The following NEK10 variants were observed in gnomAD, a reference collection of about 807,000 sequenced individuals.
The protein encoded by NEK10 is serine/threonine-protein kinase Nek10.
A neutral mutation model predicts 159.8 loss-of-function variants in NEK10; 122 were observed. The ratio of observed to expected loss-of-function variants is 0.76; its 90% CI spans 0.66 to 0.89. NEK10 has a LOEUF of 0.89. Ranked by LOEUF, NEK10 falls within the 40% of genes least tolerant of loss-of-function variation. The pLI, the probability that NEK10 is intolerant of heterozygous loss-of-function variation, is 0.00. For synonymous variants in NEK10, 466 were observed against 457.1 expected (o/e 1.02, Z -0.25); for missense variants, 1,342 against 1,323.1 (o/e 1.01, Z -0.22).
At chr3:27,126,059 T>G (rs183101299) in intron 32 of NEK10, among the ~76,000 whole-genome samples, 51 of 152,258 alleles carry the variant, frequency 3.3e-4, no homozygotes, top group African/African-American at 1.2e-3. Context: ...GGGGCCCTAA[T>G]AAGGGTTGTG....
chr3:27,174,383 C>T, intron 28 of NEK10, 56 bp downstream of exon 28: 1 of 1,602,794 alleles, frequency 6.2e-7, no homozygotes, highest in Non-Finnish European at 8.5e-7. Flanking sequence ...AGTATGATTT[C>T]CAAACCACTG....
chr3:27,228,017 G>A (rs1575353104), intron 23 of NEK10, among the ~76,000 whole-genome samples: 8 of 152,154 alleles, frequency 5.3e-5, no homozygotes, highest in Admixed American at 4.6e-4. Context: ...TTAATGGTCA[G>A]GAAGAAACTT....
At chr3:27,152,907 G>T (rs1283962286) in intron 30 of NEK10, among the ~76,000 whole-genome samples, 1 of 152,164 alleles carries the variant, frequency 6.6e-6, no homozygotes, top group East Asian at 1.9e-4. Context: ...GCAGTTAAAA[G>T]AAACAAAGAG....
chr3:27,111,184 C>G lies in NEK10; in HGVS notation c.*88G>C. The G allele has an allele frequency of 7.7e-7, 1 of 1,292,226 alleles. No individual in the cohort carries two copies. Among genetic ancestry groups the G allele is most frequent in the Non-Finnish European group, 1.1e-6 (1 of 897,346 alleles). 80.0% of individuals were successfully genotyped at this position (1,292,226 alleles called of 1,614,324 possible). ...GTCTTTTCCACACCCTCTAGCAGCA[C>G]CCAATCCTTGGGCATCTTGCAATAG... On this transcript the variant is annotated 3_prime_UTR_variant, in exon 36 of 36. Coordinates refer to ENST00000691995, the MANE Select transcript of NEK10 (RefSeq NM_001394966.1).
At chr3:27,165,768 A>G (rs1163002599) in intron 29 of NEK10, among the ~76,000 whole-genome samples, 4 of 152,216 alleles carry the variant, frequency 2.6e-5, no homozygotes, top group African/African-American at 9.6e-5. Flanking sequence ...ACTAACAGAT[A>G]AAGTGAATAA....
intron 31 of NEK10, among the ~76,000 whole-genome samples, chr3:27,140,574 G>T (rs571818348): frequency 6.6e-6 from 1 of 152,234 alleles, no homozygotes; most frequent in African/African-American, 2.4e-5. Context: ...TAGGGATGGG[G>T]GTTAGTTAAA....
intron 5 of NEK10, among the ~76,000 whole-genome samples, chr3:27,333,775 T>C (rs373142924): frequency 1.3e-5 from 2 of 152,102 alleles, no homozygotes; most frequent in African/African-American, 4.8e-5. Context: ...GTATGCACTA[T>C]CCTGGAAGCC....
intron 35 of NEK10, among the ~76,000 whole-genome samples, chr3:27,113,922 G>A (rs1248715658): frequency 6.6e-6 from 1 of 152,124 alleles, no homozygotes; most frequent in Non-Finnish European, 1.5e-5. Context: ...CCAAGTCTCT[G>A]AGAAAATGCA....
At chr3:27,230,135 C>T (rs902576353) in intron 23 of NEK10, among the ~76,000 whole-genome samples, 1 of 151,928 alleles carries the variant, frequency 6.6e-6, no homozygotes, top group East Asian at 1.9e-4. Context: ...ATCAGGTGAC[C>T]TATAAAGAGA....
At chr3:27,166,561 G>A (rs1486964644) in intron 29 of NEK10, among the ~76,000 whole-genome samples, 3 of 152,122 alleles carry the variant, frequency 2.0e-5, no homozygotes, top group Non-Finnish European at 2.9e-5. Context: ...CAAGACTTCC[G>A]CTTTTAAGAG....
chr3:27,178,712 T>A (rs1947768687), intron 26 of NEK10, among the ~76,000 whole-genome samples: 1 of 152,210 alleles, frequency 6.6e-6, no homozygotes, highest in African/African-American at 2.4e-5. Context: ...TTTTTAAAAA[T>A]CAGCCAGTGT....
At chr3:27,211,420 A>G (rs942273030) in intron 23 of NEK10, among the ~76,000 whole-genome samples, 15 of 152,232 alleles carry the variant, frequency 9.9e-5, no homozygotes, top group Non-Finnish European at 2.2e-4. Context: ...CTGAATTCTG[A>G]GGAGTTCTGA....
intron 31 of NEK10, among the ~76,000 whole-genome samples, chr3:27,132,375 G>A (rs1942724261): frequency 6.6e-6 from 1 of 152,156 alleles, no homozygotes; most frequent in Admixed American, 6.5e-5. Context: ...GCCAAACACT[G>A]TAGCCTTGGT....
intron 6 of NEK10, among the ~76,000 whole-genome samples, chr3:27,316,432 G>A (rs1322333917): frequency 6.6e-6 from 1 of 152,144 alleles, no homozygotes; most frequent in Non-Finnish European, 1.5e-5. Context: ...GGGAGAGAAA[G>A]GAATAGGCTG....
chr3:27,328,737 C>A (rs1460237797), intron 5 of NEK10, among the ~76,000 whole-genome samples: 1 of 152,094 alleles, frequency 6.6e-6, no homozygotes, highest in Non-Finnish European at 1.5e-5. Context: ...CTAAATTCAA[C>A]GTTGAGAACA....
intron 30 of NEK10, chr3:27,143,332 T>C (rs1943967694): frequency 1.8e-6 from 1 of 555,084 alleles, no homozygotes; most frequent in African/African-American, 1.9e-5. Flanking sequence ...AGATGCAACA[T>C]TCATAGTTTA....
At chr3:27,233,601 A>T (rs947619552) in intron 23 of NEK10, among the ~76,000 whole-genome samples, 1 of 151,980 alleles carries the variant, frequency 6.6e-6, no homozygotes, top group African/African-American at 2.4e-5. Flanking sequence ...GCATGTTTGT[A>T]GCAGCACAAT....
At chr3:27,170,549 T>C (rs1216152249) in intron 29 of NEK10, among the ~76,000 whole-genome samples, 2 of 152,194 alleles carry the variant, frequency 1.3e-5, no homozygotes, top group African/African-American at 4.8e-5. Context: ...CTGGCCAACA[T>C]GGTGAAACCC....
At chr3:27,164,220 T>C (rs1056507400) in intron 29 of NEK10, among the ~76,000 whole-genome samples, 3 of 152,116 alleles carry the variant, frequency 2.0e-5, no homozygotes, top group East Asian at 1.9e-4. Flanking sequence ...CCTCAGAAAG[T>C]TTGAAAAGAG....
Sources: allele counts gnomAD v4.1 joint callset (sites outside exome capture counted in the v4.1 genomes callset), GRCh38; gene constraint gnomAD v4.1.1; transcripts MANE v1.5; gene names NCBI Gene and HGNC (gene_info 2026-07-23, HGNC 2026-07-21).